Variants in LAMA5 observed in about 807,000 individuals in gnomAD.
LAMA5 encodes the protein laminin subunit alpha 5, also known as laminin subunit alpha-5.
LAMA5 carries 260 observed loss-of-function variants against 433.4 expected under a neutral mutation model. The observed-to-expected ratio is 0.60, with a 90% CI of 0.54 to 0.66. The LOEUF (loss-of-function observed/expected upper bound fraction) is 0.66. LAMA5 is among the 30% of genes least tolerant of loss of function. The probability of loss-of-function intolerance (pLI) is 0.00; values close to 1 mark genes in which losing one functional copy is unlikely to be tolerated. For missense variants in LAMA5, 5,378 were observed against 5,258.5 expected, an observed-to-expected ratio of 1.02 and a Z score of -0.70; for synonymous variants, 2,620 against 2,226.6, an observed-to-expected ratio of 1.18 and a Z score of -4.97.
At position 62,318,450 on chromosome 20, in the gene LAMA5, T is replaced by A. The variant is rs113604626; in HGVS notation, c.7239+4A>T. ...AGGAGGAAGAACAAGTCCGGGGTCC[T>A]CACCAGGGCTTCCTCCAGGCGCTCC... On this transcript the variant is annotated splice_donor_region_variant and intron_variant, in intron 53 of 79. Transcript: ENST00000252999. 5.6e-5 allele frequency: 90 copies of A among 1,595,446 alleles called. No individual in the cohort carries two copies. The highest frequency in any genetic ancestry group is 2.2e-4 in the African/African-American group (16 of 72,888).
At position 62,313,608 on chromosome 20, in the gene LAMA5, G is replaced by T. The variant is rs866148103; in HGVS notation, c.8658+41C>A. 9.3e-6 allele frequency: 15 copies of T among 1,607,466 alleles called. No individual in the cohort carries two copies. In the Middle Eastern group the frequency reaches 1.9e-3, roughly 205 times the overall value. On this transcript the variant is annotated intron_variant, in intron 63 of 79. Coordinates refer to ENST00000252999, the MANE Select transcript of LAMA5 (RefSeq NM_005560.6). ...TCCAGGACACAAGCGACTCGGGGCT[G>T]CGGAGCCCCTCCCAGGCTGCCCCAG...
At chr20:62,316,257 G>A (rs557550556) in intron 57 of LAMA5, 199 bp from the exon 58 acceptor site, 2 of 596,626 alleles carry the variant, frequency 3.4e-6, no homozygotes, top group East Asian at 5.5e-5. Flanking sequence ...AAGGCCTCTG[G>A]TCCCACTGCA....
Position 62,346,082 on chromosome 20 carries a change from G to C in LAMA5, c.1416C>G (p.Tyr472Ter). 1 of 1,612,972 alleles carries C rather than the reference G, an allele frequency of 6.2e-7. No individual in the cohort carries two copies. Among genetic ancestry groups the C allele is most frequent in the Non-Finnish European group, 8.5e-7 (1 of 1,179,964 alleles). Residue 472 changes from tyrosine (Y) to a stop codon, truncating the protein, a stop_gained and splice_region_variant, in exon 10 of 80, where the codon TAC becomes TAG. Transcript: ENST00000252999. LOFTEE classifies it high-confidence loss of function. ...TGGATGCCCCTGGCAGGTGCTCACG[G>C]TAGCAGCTTGGGAAGCCCGTGAAGC... ...AEGFTGFPSC[Y>*]PTPSSSNDTR...
In LAMA5 at chr20:62,329,257, G is replaced by A. The variant is rs749709589; in HGVS notation, c.4120-4C>T. 5.6e-6 allele frequency: 9 copies of A among 1,604,172 alleles called. No individual in the cohort carries two copies. The highest frequency in any genetic ancestry group is 2.2e-5 in the South Asian group (2 of 90,850). On this transcript the variant is annotated splice_region_variant and splice_polypyrimidine_tract_variant and intron_variant, in intron 32 of 79. Transcript: ENST00000252999. ...CAGGGACCACGAGTACATAATCCTA[G>A]GGGGTGAGGCCTGGTCACTCTCCCG...
intron 17 of LAMA5, 42 bp downstream of exon 17, chr20:62,336,692 G>C: frequency 6.2e-7 from 1 of 1,607,932 alleles, no homozygotes; most frequent in Non-Finnish European, 8.5e-7. Context: ...GCTTGGCCTG[G>C]GTCCTCACCC....
intron 53 of LAMA5, 119 bp downstream of exon 53, chr20:62,318,335 A>AGGGGGGAGGACGGGGGC: frequency 2.9e-6 from 1 of 347,732 alleles, no homozygotes; most frequent in Non-Finnish European, 5.1e-6. Flanking sequence ...AGGACGAGGG[A>AGGGGGGAGGACGGGGGC]GGGGAGGACG....
Position 62,312,285 on chromosome 20 carries a change from C to G in LAMA5, c.9392G>C (p.Gly3131Ala). The G allele has an allele frequency of 6.2e-7, 1 of 1,611,164 alleles. No individual in the cohort carries two copies. The highest frequency in any genetic ancestry group is 8.5e-7 in the Non-Finnish European group (1 of 1,179,518). ...VGRAMTFHGH[G>A]FLRLALSNVA... ...GTTCGAGAGCGCCAGGCGAAGGAAG[C>G]CGTGGCCATGGAAAGTCATGGCGCG... Residue 3131 changes from glycine (G) to alanine (A), a missense_variant, in exon 69 of 80, where the codon GGC (glycine) becomes GCC (alanine). Coordinates refer to ENST00000252999, the MANE Select transcript of LAMA5 (RefSeq NM_005560.6).
intron 40 of LAMA5, 58 bp from the exon 41 acceptor site, chr20:62,325,604 CCT>C: frequency 8.3e-7 from 1 of 1,208,806 alleles, no homozygotes; most frequent in Non-Finnish European, 1.2e-6. Context: ...GAACAGGGAG[CCT>C]AGAACAGACC....
chr20:62,336,687 G>C (rs1416399300), intron 17 of LAMA5, 47 bp downstream of exon 17: 1 of 1,604,098 alleles, frequency 6.2e-7, no homozygotes, highest in Non-Finnish European at 8.5e-7. Context: ...TTTTAGCTTG[G>C]CCTGGGTCCT....
At chr20:62,317,258 G>T in intron 55 of LAMA5, 87 bp downstream of exon 55, 1 of 1,386,254 alleles carries the variant, frequency 7.2e-7, no homozygotes, top group Non-Finnish European at 9.5e-7. Flanking sequence ...TCAGCCCCTA[G>T]GAGCCTTCCC....
intron 20 of LAMA5, 135 bp from the exon 21 acceptor site, chr20:62,334,756 G>GGCTCAGGGCGAGGGCGAGT (rs1568945914): frequency 1.9e-5 from 12 of 645,302 alleles, no homozygotes; most frequent in African/African-American, 3.6e-5. Context: ...CAGGGCTCAG[G>GGCTCAGGGCGAGGGCGAGT]GCGAGGGCGA....
chr20:62,341,939 T>A (rs571920138), intron 11 of LAMA5, among the ~76,000 whole-genome samples: 3 of 152,000 alleles, frequency 2.0e-5, no homozygotes, highest in Non-Finnish European at 4.4e-5. Flanking sequence ...TAACTTTATG[T>A]CAATACATTA....
intron 11 of LAMA5, among the ~76,000 whole-genome samples, chr20:62,343,329 G>A (rs992853362): frequency 1.6e-4 from 24 of 152,150 alleles, no homozygotes; most frequent in African/African-American, 5.3e-4. Flanking sequence ...CTGGGTAAGG[G>A]AGGAGCATCT....
chr20:62,315,127 G>T lies in LAMA5; in HGVS notation c.7948C>A (p.Leu2650Met), dbSNP rs774726861. 6.2e-7 allele frequency: 1 copy of T among 1,609,802 alleles called. No homozygotes were observed. The highest frequency in any genetic ancestry group is 1.1e-5 in the South Asian group (1 of 91,070). ...QDTATRVQSQ[L>M]QAMQENVERW... ...TCCACATTCTCCTGCATGGCCTGCA[G>T]CTGGGACTGCACACGGGTGGCGGTG... The change falls in exon 59 of 80, where the codon CTG becomes ATG. Residue 2650 changes from leucine to methionine, a missense_variant. Leu to Met is a conservative substitution (Grantham distance 15). Coordinates refer to ENST00000252999, the MANE Select transcript of LAMA5 (RefSeq NM_005560.6).
intron 24 of LAMA5, 36 bp from the exon 25 acceptor site, chr20:62,333,517 C>A (rs753462326): frequency 1.1e-5 from 17 of 1,590,312 alleles, no homozygotes; most frequent in African/African-American, 1.3e-5. Flanking sequence ...GTGGTGGGCC[C>A]CACCCCCTGA....
chr20:62,333,773 C>T, intron 23 of LAMA5, 67 bp from the exon 24 acceptor site: 1 of 1,338,650 alleles, frequency 7.5e-7, no homozygotes, highest in Non-Finnish European at 9.8e-7. Flanking sequence ...GCACCCCCTA[C>T]AGGGTTGGGG....
Position 62,320,734 on chromosome 20 carries a change from AG to A in LAMA5, c.6648+4del. 1 of 1,612,582 alleles carries A rather than the reference AG, an allele frequency of 6.2e-7. No individual in the cohort carries two copies. The highest frequency in any genetic ancestry group is 8.5e-7 in the Non-Finnish European group (1 of 1,179,860). ...TTGGGGAGGGAAGGCCAGGACGCTC[AG>A]TACCTGCAGGTCAGCGATGGAGGCG... On this transcript the variant is annotated splice_donor_region_variant and intron_variant, in intron 49 of 79. Transcript: ENST00000252999.
Position 62,320,646 on chromosome 20 carries a change from G to A in LAMA5, c.6672C>T (p.Gly2224=), listed in dbSNP as rs756884689. The A allele has an allele frequency of 6.2e-7, 1 of 1,607,512 alleles. No homozygotes were observed. The highest frequency in any genetic ancestry group is 8.5e-7 in the Non-Finnish European group (1 of 1,178,234). Residue 2224 remains glycine (G), a synonymous_variant, in exon 50 of 80, where the codon GGC becomes GGT. Transcript: ENST00000252999. ...GCTGCTGTGCCGTCTCATGGCGGGGGCCCAGGGGGCTCCGGAGCTGGCTCT... is the reference window on the plus strand; with the variant it reads ...GCTGCTGTGCCGTCTCATGGCGGGGACCCAGGGGGCTCCGGAGCTGGCTCT... The part of the protein sequence containing the change: ...DLQSQLRSPL[G]PRHETAQQLE...
At chr20:62,355,037 G>C (rs77994) in intron 2 of LAMA5, among the ~76,000 whole-genome samples, 108 of 152,102 alleles carry the variant, frequency 7.1e-4, no homozygotes, top group Non-Finnish European at 1.4e-3. Context: ...CTCCCCTGAC[G>C]GGCCCACAGG....
Sources: gnomAD v4.1 joint callset for allele counts (sites outside exome capture counted in the v4.1 genomes callset) on GRCh38, gnomAD v4.1.1 for gene constraint, MANE v1.5 for transcripts, NCBI Gene and HGNC (gene_info 2026-07-23, HGNC 2026-07-21) for gene names.